ARSG: variants seen among roughly 807,000 people sequenced by gnomAD.
ARSG encodes the protein ASG.
A neutral mutation model predicts 50.5 loss-of-function variants in ARSG; 37 were observed. The ratio of observed to expected loss-of-function variants is 0.73; its 90% CI spans 0.56 to 0.96. The LOEUF is 0.96. ARSG is among the 50% of genes least tolerant of loss of function. The probability of loss-of-function intolerance (pLI) is 0.00; values close to 1 mark genes in which losing one functional copy is unlikely to be tolerated. For missense variants in ARSG, 629 were observed against 675.3 expected, an observed-to-expected ratio of 0.93 and a Z score of 0.76; for synonymous variants, 225 against 254.6, an observed-to-expected ratio of 0.88 and a Z score of 1.11.
At chr17:68,319,051 C>T (rs1555769641) in intron 2 of ARSG, among the ~76,000 whole-genome samples, 1 of 152,214 alleles carries the variant, frequency 6.6e-6, no homozygotes, top group African/African-American at 2.4e-5. Context: ...TTGGCAGTCA[C>T]ACTGCAGGGG....
chr17:68,313,629 G>A (rs763513145), intron 2 of ARSG, among the ~76,000 whole-genome samples: 16 of 151,832 alleles, frequency 1.1e-4, no homozygotes, highest in Non-Finnish European at 1.6e-4. Context: ...TGAAATTGAG[G>A]GGAACGCTGT....
the ARSG span, chr17:68,435,812 C>A: frequency 9.3e-7 from 1 of 1,075,346 alleles, no homozygotes; most frequent in Non-Finnish European, 1.4e-6. Context: ...CCTCCTTTGT[C>A]CAGCTCCCTG....
chr17:68,430,419 T>G, the ARSG span, among the ~76,000 whole-genome samples: 2 of 152,166 alleles, frequency 1.3e-5, no homozygotes, highest in East Asian at 3.8e-4. Context: ...TTTCCCCTAT[T>G]AAAGAAGGCT....
intron 2 of ARSG, among the ~76,000 whole-genome samples, chr17:68,311,920 C>T (rs968526970): frequency 1.6e-4 from 25 of 151,846 alleles, no homozygotes; most frequent in Admixed American, 1.6e-3. Context: ...CCAGCCTCAG[C>T]CTCCCAAGTA....
Position 68,356,808 on chromosome 17 carries a change from A to C in ARSG, c.704+4A>C. 6.2e-7 allele frequency: 1 copy of C among 1,614,184 alleles called. No individual in the cohort carries two copies. Among genetic ancestry groups the C allele is most frequent in the South Asian group, 1.1e-5 (1 of 91,078 alleles). On this transcript the variant is annotated splice_donor_region_variant and intron_variant, in intron 6 of 11. Coordinates refer to ENST00000621439, the MANE Select transcript of ARSG (RefSeq NM_001267727.2). Reference sequence around the variant, plus strand: ...CCCAGTTCATCCAGCGTGCAAGGTGAGGAGTCTCCCTCCCTCCGCAGGGCC... The same window carrying C: ...CCCAGTTCATCCAGCGTGCAAGGTGCGGAGTCTCCCTCCCTCCGCAGGGCC...
At chr17:68,344,433 C>T (rs755419420) in intron 3 of ARSG, among the ~76,000 whole-genome samples, 1 of 152,256 alleles carries the variant, frequency 6.6e-6, no homozygotes, top group Non-Finnish European at 1.5e-5. Context: ...ACGTCTGCCA[C>T]ATTGTCCAAT....
chr17:68,320,198 C>G (rs569608362), intron 2 of ARSG, among the ~76,000 whole-genome samples: 1 of 151,216 alleles, frequency 6.6e-6, no homozygotes, highest in African/African-American at 2.4e-5. Context: ...CTGAGACAGG[C>G]GAATCGCTTA....
intron 1 of ARSG, chr17:68,283,156 T>A (rs1398855837): frequency 1.3e-5 from 2 of 151,840 alleles, no homozygotes; most frequent in African/African-American, 4.8e-5. Context: ...TTGGCTGGCG[T>A]GGTGGCTCAC....
At chr17:68,260,622 G>C (rs1321474018) in intron 1 of ARSG, among the ~76,000 whole-genome samples, 1 of 152,136 alleles carries the variant, frequency 6.6e-6, no homozygotes. Flanking sequence ...CAAGTAGCTG[G>C]TATTACAGGT....
In ARSG at chr17:68,367,375, C is replaced by T. The variant is rs1318983043; in HGVS notation, c.705-1173C>T. Among the ~76,000 whole-genome samples, 1 of 152,108 alleles carries T rather than the reference C, an allele frequency of 6.6e-6. No homozygotes were observed. Among genetic ancestry groups the T allele is most frequent in the African/African-American group, 2.4e-5 (1 of 41,406 alleles). On this transcript the variant is annotated intron_variant, in intron 6 of 11. Coordinates refer to ENST00000621439, the MANE Select transcript of ARSG (RefSeq NM_001267727.2). The surrounding 1 kb of genome is among the most constrained non-coding windows in gnomAD (Gnocchi z 4.5). ...TAAACCAGGGTGAGCTAAGGAGAAC[C>T]CTGGGGCCAACTGAATCTCTGCGTG...
chr17:68,341,541 G>A lies in ARSG; in HGVS notation c.219-2063G>A, dbSNP rs78293356. 6.0e-3 allele frequency among the ~76,000 whole-genome samples: 919 copies of A among 152,316 alleles called. 8 individuals are homozygous for A. Among genetic ancestry groups the A allele is most frequent in the African/African-American group, 0.021 (863 of 41,556 alleles). ...ACCTCTGTGCCACTTCCTCTATGGAGATTTCTCTAAACCTTGGACCGTCAT... is the reference window on the plus strand; with the variant it reads ...ACCTCTGTGCCACTTCCTCTATGGAAATTTCTCTAAACCTTGGACCGTCAT... On this transcript the variant is annotated intron_variant, in intron 2 of 11. Coordinates refer to ENST00000621439, the MANE Select transcript of ARSG (RefSeq NM_001267727.2).
rs1410641004 is a variant in ARSG at position 68,347,156 on chromosome 17, T to C, written c.438T>C (p.Tyr146=). The change falls in exon 4 of 12, where the codon TAT becomes TAC. Residue 146 remains tyrosine (Y), a synonymous_variant. Coordinates refer to ENST00000621439, the MANE Select transcript of ARSG (RefSeq NM_001267727.2). ...GKWHLGHHGS[Y]HPNFRGFDYY... ...GGCATCTTGGACACCACGGCTCTTA[T>C]CACCCCAACTTCCGTGGTAAGAATT... 7.4e-6 allele frequency: 12 copies of C among 1,613,978 alleles called. No homozygotes were observed. The highest frequency in any genetic ancestry group is 1.3e-5 in the African/African-American group (1 of 74,928).
At chr17:68,331,407 G>T (rs2077761957) in intron 2 of ARSG, among the ~76,000 whole-genome samples, 1 of 152,084 alleles carries the variant, frequency 6.6e-6, no homozygotes, top group Non-Finnish European at 1.5e-5. Context: ...AGCTTGCCTG[G>T]CTAATTTTTC....
At chr17:68,442,813 C>T in the ARSG span, among the ~76,000 whole-genome samples, 6 of 152,180 alleles carry the variant, frequency 3.9e-5, no homozygotes, top group African/African-American at 1.2e-4. Context: ...AGGCTGCTGG[C>T]GCACCTGTCT....
chr17:68,306,813 T>G (rs2076626821), intron 1 of ARSG, 130 bp from the exon 2 acceptor site: 1 of 152,216 alleles, frequency 6.6e-6, no homozygotes, highest in Non-Finnish European at 1.5e-5. Flanking sequence ...GAGAAACTGA[T>G]GAACCAGTTA....
At chr17:68,376,838 A>T (rs2080173774) in intron 8 of ARSG, among the ~76,000 whole-genome samples, 1 of 150,876 alleles carries the variant, frequency 6.6e-6, no homozygotes, top group African/African-American at 2.4e-5. Context: ...AAAGAACGCC[A>T]AAGTTGGAAA....
At chr17:68,436,425 C>A in the ARSG span, 4 of 1,614,082 alleles carry the variant, frequency 2.5e-6, no homozygotes, top group Non-Finnish European at 3.4e-6. Context: ...TGAAGTCAGG[C>A]TTCCAGGATA....
intron 2 of ARSG, among the ~76,000 whole-genome samples, chr17:68,314,256 G>A (rs2076982362): frequency 6.6e-6 from 1 of 152,020 alleles, no homozygotes; most frequent in East Asian, 1.9e-4. Context: ...GCCGGGCACA[G>A]TGGCTCACAC....
chr17:68,292,017 C>A (rs1352393874), intron 1 of ARSG, among the ~76,000 whole-genome samples: 3 of 152,026 alleles, frequency 2.0e-5, no homozygotes, highest in African/African-American at 7.2e-5. Flanking sequence ...GCGCCCACTT[C>A]CCCCAGTTTC....
Sources: gnomAD v4.1 joint callset for allele counts (sites outside exome capture counted in the v4.1 genomes callset) on GRCh38, gnomAD v4.1.1 for gene constraint, Gnocchi (gnomAD v3.1) non-coding constraint, MANE v1.5 for transcripts, NCBI Gene and HGNC (gene_info 2026-07-23, HGNC 2026-07-21) for gene names.